The following CENPN variants were observed in gnomAD, a reference collection of about 807,000 sequenced individuals.
CENPN encodes the protein interphase centromere complex protein 32.
Under a neutral mutation model 48.6 loss-of-function variants are expected in CENPN, and 36 were observed. The observed-to-expected ratio is 0.74, with a 90% CI of 0.57 to 0.98. CENPN has a LOEUF of 0.98. CENPN is among the 50% of genes least tolerant of loss of function. CENPN has a pLI of 0.00. For missense variants in CENPN, 439 were observed against 399.2 expected, an observed-to-expected ratio of 1.10 and a Z score of -0.85; for synonymous variants, 166 against 135.2, an observed-to-expected ratio of 1.23 and a Z score of -1.58.
chr16:81,015,396 T>C (rs1250003769), intron 3 of CENPN, among the ~76,000 whole-genome samples: 1 of 152,246 alleles, frequency 6.6e-6, no homozygotes, highest in Non-Finnish European at 1.5e-5. Flanking sequence ...TCTGGTATTA[T>C]CATTTGACCA....
chr16:81,009,617 CTCTTTA>C (rs1461436703), intron 1 of CENPN, among the ~76,000 whole-genome samples: 1 of 152,200 alleles, frequency 6.6e-6, no homozygotes, highest in Admixed American at 6.5e-5. Context: ...CTAATCCTTC[CTCTTTA>C]TCTTTGTCTT....
intron 5 of CENPN, 24 bp from the exon 6 acceptor site, chr16:81,020,076 C>T (rs1367337494): frequency 2.1e-6 from 3 of 1,432,830 alleles, no homozygotes; most frequent in Non-Finnish European, 2.7e-6. Flanking sequence ...GGAAATTAAG[C>T]CTTTTTTTTT....
At chr16:81,009,108 G>A (rs751585199) in intron 1 of CENPN, among the ~76,000 whole-genome samples, 5 of 152,226 alleles carry the variant, frequency 3.3e-5, no homozygotes, top group Admixed American at 6.5e-5. Context: ...TCGGGAGGCT[G>A]AGGCAGGAGA....
Position 81,030,378 on chromosome 16 carries a change from C to T in CENPN, c.*1727C>T, listed in dbSNP as rs984610779. Reference sequence around the variant, plus strand: ...GGAGGTTTCTCCTAGTGTACTCTCACACTTCTGATACCAGATATGTGGGGG... The same window carrying T: ...GGAGGTTTCTCCTAGTGTACTCTCATACTTCTGATACCAGATATGTGGGGG... On this transcript the variant is annotated 3_prime_UTR_variant, in exon 11 of 11. Coordinates refer to ENST00000305850, the MANE Select transcript of CENPN (RefSeq NM_001100624.3). 4.0e-5 allele frequency: 39 copies of T among 985,086 alleles called. No individual in the cohort carries two copies. The African/African-American group carries it at 6.1e-4, about 15-fold the overall frequency. The allele number at this position is 985,086 out of a possible 1,614,324, so 61.0% of individuals were successfully genotyped here. A position where few individuals can be genotyped will look rare whatever the true frequency, so the allele number is the denominator to read the frequency against.
chr16:81,033,078 G>A (rs566179267), downstream of CENPN: 34 of 157,266 alleles, frequency 2.2e-4, no homozygotes, highest in South Asian at 5.5e-3. Flanking sequence ...AGGACTGCCT[G>A]CACAATCTGC....
intron 1 of CENPN, among the ~76,000 whole-genome samples, chr16:81,008,509 C>T (rs551453074): frequency 6.6e-6 from 1 of 152,078 alleles, no homozygotes; most frequent in Admixed American, 6.5e-5. Context: ...GTAGCTGGGA[C>T]TAGAGGTGTG....
In CENPN at chr16:81,029,615, G is replaced by A. The variant is rs183296979; in HGVS notation, c.*964G>A. On this transcript the variant is annotated 3_prime_UTR_variant, in exon 11 of 11. Transcript: ENST00000305850. The stretch of plus-strand genomic sequence containing the variant: ...TTTTTGAGACAAGTCTCCTTCTATC[G>A]CCCAGGCTGGAGTGCAATGGCACAA... Among the ~76,000 whole-genome samples the A allele has an allele frequency of 3.3e-5, 5 of 151,438 alleles. No homozygotes were observed. Among genetic ancestry groups the A allele is most frequent in the African/African-American group, 9.7e-5 (4 of 41,152 alleles).
At chr16:81,032,486 C>T (rs1054048648), downstream of CENPN, 2 of 1,390,470 alleles carry the variant, frequency 1.4e-6, no homozygotes, top group East Asian at 2.5e-5. Context: ...CCCTCCCCAC[C>T]AGGCACGTTA....
At chr16:81,022,400 C>T in intron 6 of CENPN, 197 bp from the exon 7 acceptor site, 2 of 537,764 alleles carry the variant, frequency 3.7e-6, no homozygotes, top group South Asian at 2.4e-5. Flanking sequence ...CAAAAGACTG[C>T]ATTTATCAGA....
chr16:81,031,090 G>T lies in CENPN; in HGVS notation c.*2439G>T, dbSNP rs574492367. On this transcript the variant is annotated 3_prime_UTR_variant, in exon 11 of 11. Coordinates refer to ENST00000305850, the MANE Select transcript of CENPN (RefSeq NM_001100624.3). ...AAATAAAATAAATGACATCACTTTGGTTCAGAGCTCTAAAATGGAGGGAGG... is the reference window on the plus strand; with the variant it reads ...AAATAAAATAAATGACATCACTTTGTTTCAGAGCTCTAAAATGGAGGGAGG... 6.6e-6 allele frequency: 1 copy of T among 151,494 alleles called. No individual in the cohort carries two copies. Among genetic ancestry groups the T allele is most frequent in the African/African-American group, 2.4e-5 (1 of 41,200 alleles). 9.4% of individuals were successfully genotyped at this position (151,494 alleles called of 1,614,324 possible).
Position 81,030,564 on chromosome 16 carries a change from C to T in CENPN, c.*1913C>T, listed in dbSNP as rs1225936313. On this transcript the variant is annotated 3_prime_UTR_variant, in exon 11 of 11. Coordinates refer to ENST00000305850, the MANE Select transcript of CENPN (RefSeq NM_001100624.3). ...AGGAGTTCGAGACCAGCCTAGCCAA[C>T]ATGGCAAAACCTTGTCTCTACTAAA... 5.0e-6 allele frequency: 1 copy of T among 201,030 alleles called. No individual in the cohort carries two copies. Among genetic ancestry groups the T allele is most frequent in the African/African-American group, 2.4e-5 (1 of 42,246 alleles). 12.5% of individuals were successfully genotyped at this position (201,030 alleles called of 1,614,324 possible). A position where few individuals can be genotyped will look rare whatever the true frequency, so the allele number is the denominator to read the frequency against.
downstream of CENPN, chr16:81,032,946 A>T (rs1192798590): frequency 1.2e-5 from 4 of 329,462 alleles, no homozygotes; most frequent in African/African-American, 2.1e-5. Context: ...CCAACCAACC[A>T]ATGATTAATC....
At chr16:81,009,114 G>C (rs776902958) in intron 1 of CENPN, among the ~76,000 whole-genome samples, 1 of 152,208 alleles carries the variant, frequency 6.6e-6, no homozygotes, top group Non-Finnish European at 1.5e-5. Context: ...GGCTGAGGCA[G>C]GAGAATCATT....
At chr16:81,009,760 C>A (rs958164211) in intron 1 of CENPN, among the ~76,000 whole-genome samples, 1 of 152,168 alleles carries the variant, frequency 6.6e-6, no homozygotes, top group Non-Finnish European at 1.5e-5. Context: ...ACTTCTTTGT[C>A]CCTGGAATTC....
At chr16:81,017,175 A>G (rs1292384984) in intron 3 of CENPN, 151 bp from the exon 4 acceptor site, 2 of 575,062 alleles carry the variant, frequency 3.5e-6, no homozygotes, top group Non-Finnish European at 6.1e-6. Context: ...ACTTTAATCC[A>G]TATAAAGTTT....
In CENPN at chr16:81,017,377, A is replaced by C; in HGVS notation, c.269A>C (p.Lys90Thr). ...GTTTGGGAAGTTTTTCAGATGAGTA[A>C]AGGACCAGGTAATATTTTCTGTTTA... ...QKVWEVFQMS[K>T]GPGEDVDLFD... The change falls in exon 4 of 11, where the codon AAA becomes ACA. Residue 90 changes from lysine to threonine, a missense_variant. By Grantham distance (78) the Lys-to-Thr change is moderately conservative. Coordinates refer to ENST00000305850, the MANE Select transcript of CENPN (RefSeq NM_001100624.3). The C allele has an allele frequency of 1.3e-6, 2 of 1,583,086 alleles. No homozygotes were observed. The highest frequency in any genetic ancestry group is 3.3e-4 in the Middle Eastern group (2 of 5,976).
intron 1 of CENPN, among the ~76,000 whole-genome samples, chr16:81,008,509 C>G (rs551453074): frequency 2.0e-5 from 3 of 152,196 alleles, no homozygotes; most frequent in Middle Eastern, 3.4e-3. Context: ...GTAGCTGGGA[C>G]TAGAGGTGTG....
At chr16:81,032,455 G>T (rs144644576), downstream of CENPN, 1,131 of 1,049,734 alleles carry the variant, frequency 1.1e-3, 10 homozygotes, top group African/African-American at 0.016. Flanking sequence ...GGGGGTTGGG[G>T]AATCATCACT....
intron 8 of CENPN, 66 bp downstream of exon 8, chr16:81,024,844 T>A: frequency 9.2e-7 from 1 of 1,081,600 alleles, no homozygotes; most frequent in South Asian, 1.4e-5. Flanking sequence ...TTTCTTTCAC[T>A]TGGTAAAACG....
Sources: allele counts gnomAD v4.1 joint callset (sites outside exome capture counted in the v4.1 genomes callset), GRCh38; gene constraint gnomAD v4.1.1; transcripts MANE v1.5; gene names NCBI Gene and HGNC (gene_info 2026-07-23, HGNC 2026-07-21).